The following FAM107B variants were observed in gnomAD, a reference collection of about 807,000 sequenced individuals.
The protein encoded by FAM107B is family with sequence similarity 107 member B.
Under a neutral mutation model 31.5 loss-of-function variants are expected in FAM107B, and 21 were observed. That is an observed-to-expected ratio of 0.67 (90% CI 0.47 to 0.96). The LOEUF is 0.96. FAM107B is among the 40% of genes least tolerant of loss of function. FAM107B has a pLI of 0.00. For missense variants in FAM107B, 452 were observed against 377.1 expected (o/e 1.20, Z -1.64); for synonymous variants, 157 against 141.5 (o/e 1.11, Z -0.78).
At chr10:14,530,274 GA>G in intron 3 of FAM107B, 57 bp downstream of exon 3, 1 of 1,481,354 alleles carries the variant, frequency 6.8e-7, no homozygotes. Context: ...ATTAAAATTA[GA>G]TATCATGATC....
chr10:14,583,743 A>T (rs1330485269), intron 2 of FAM107B, among the ~76,000 whole-genome samples: 1 of 152,132 alleles, frequency 6.6e-6, no homozygotes, highest in Non-Finnish European at 1.5e-5. Context: ...AGGAAACTAC[A>T]GGGAAAAAGG....
At chr10:14,645,198 A>G (rs1853722709) in intron 2 of FAM107B, among the ~76,000 whole-genome samples, 1 of 152,200 alleles carries the variant, frequency 6.6e-6, no homozygotes, top group African/African-American at 2.4e-5. Flanking sequence ...GGAGAAATGT[A>G]GTTCTTTTCA....
At chr10:14,685,992 G>A (rs1182063030) in intron 1 of FAM107B, among the ~76,000 whole-genome samples, 4 of 152,122 alleles carry the variant, frequency 2.6e-5, no homozygotes, top group African/African-American at 9.7e-5. Flanking sequence ...GATCTTGTGG[G>A]ACCTATTCAC....
intron 2 of FAM107B, among the ~76,000 whole-genome samples, chr10:14,596,600 T>A (rs1852196039): frequency 6.6e-6 from 1 of 152,186 alleles, no homozygotes; most frequent in African/African-American, 2.4e-5. Context: ...GGTAAGAATA[T>A]GCAAACCCCA....
chr10:14,530,543 T>A (rs761966931), intron 2 of FAM107B, 28 bp from the exon 3 acceptor site: 19 of 1,605,258 alleles, frequency 1.2e-5, no homozygotes, highest in Non-Finnish European at 1.4e-5. Flanking sequence ...GAAACACTCA[T>A]TTGCAGTTTT....
intron 2 of FAM107B, among the ~76,000 whole-genome samples, chr10:14,599,854 A>C (rs1282780624): frequency 7.4e-5 from 1 of 13,478 alleles, no homozygotes; most frequent in African/African-American, 1.1e-4. Context: ...CTTGATCTAC[A>C]AAAAAAAAAA....
At chr10:14,683,519 C>G (rs1854897229) in intron 1 of FAM107B, among the ~76,000 whole-genome samples, 1 of 152,190 alleles carries the variant, frequency 6.6e-6, no homozygotes, top group African/African-American at 2.4e-5. Context: ...ACAATTCAAC[C>G]TGCTGGTCTA....
At chr10:14,739,397 T>C (rs1311756112) in intron 1 of FAM107B, among the ~76,000 whole-genome samples, 1 of 152,164 alleles carries the variant, frequency 6.6e-6, no homozygotes, top group African/African-American at 2.4e-5. Flanking sequence ...GGGCAGGCGC[T>C]GGGGACAGAC....
chr10:14,737,591 G>T (rs1856330175), intron 1 of FAM107B, among the ~76,000 whole-genome samples: 1 of 151,970 alleles, frequency 6.6e-6, no homozygotes, highest in Admixed American at 6.6e-5. Context: ...TCCAGCCTGG[G>T]TGACAGAGAG....
chr10:14,759,099 C>A (rs1044183977), intron 1 of FAM107B, among the ~76,000 whole-genome samples: 5 of 151,396 alleles, frequency 3.3e-5, no homozygotes, highest in Non-Finnish European at 1.5e-5. Context: ...ATCGCTTGAA[C>A]CCAGGAGGTG....
chr10:14,579,717 C>T lies in FAM107B; in HGVS notation c.470-49202G>A, dbSNP rs138922562. Among the ~76,000 whole-genome samples, 17 of 152,324 alleles carry T rather than the reference C, an allele frequency of 1.1e-4. No homozygotes were observed. The East Asian group carries it at 3.3e-3, about 29-fold the overall frequency. ...AAAACTGTTCTGTCATTCACTAGTTCCTTCCAAAAAAGATTTGGAGTGTGT... is the reference window on the plus strand; with the variant it reads ...AAAACTGTTCTGTCATTCACTAGTTTCTTCCAAAAAAGATTTGGAGTGTGT... On this transcript the variant is annotated intron_variant, in intron 2 of 4. Coordinates refer to ENST00000181796, the MANE Select transcript of FAM107B (RefSeq NM_031453.4).
rs577143877 is a variant in FAM107B, at chr10:14,576,773, T to C, written c.470-46258A>G. 1.9e-4 allele frequency among the ~76,000 whole-genome samples: 29 copies of C among 152,224 alleles called. 1 individual carries two copies. In the South Asian group the frequency reaches 5.0e-3, roughly 26 times the overall value. Reference sequence around the variant, plus strand: ...CTACTTACTACAAAATGAAAGAAGATTGCAAGTCCCAAAAACCGTTTTATT... The same window carrying C: ...CTACTTACTACAAAATGAAAGAAGACTGCAAGTCCCAAAAACCGTTTTATT... On this transcript the variant is annotated intron_variant, in intron 2 of 4. Transcript: ENST00000181796.
rs1485885999 is a variant in FAM107B at position 14,723,723 on chromosome 10, C to G, written c.411+50530G>C. ...ATGGCTCCCAGAAGGCTGCCTGGAT[C>G]TGGTTAGTGAAGGTTCCAGGGGTGA... On this transcript the variant is annotated intron_variant, in intron 1 of 4. Coordinates refer to ENST00000181796, the MANE Select transcript of FAM107B (RefSeq NM_031453.4). 47 of 757,546 alleles carry G rather than the reference C, an allele frequency of 6.2e-5. No individual in the cohort carries two copies. The East Asian group carries it at 1.1e-3, about 18-fold the overall frequency. 46.9% of individuals were successfully genotyped at this position (757,546 alleles called of 1,614,324 possible).
intron 1 of FAM107B, among the ~76,000 whole-genome samples, chr10:14,769,855 C>T (rs967045644): frequency 6.6e-6 from 1 of 152,216 alleles, no homozygotes; most frequent in African/African-American, 2.4e-5. Context: ...CTTTTAGTTG[C>T]TTAGTGTGTG....
At chr10:14,754,976 G>A (rs1381768396) in intron 1 of FAM107B, among the ~76,000 whole-genome samples, 2 of 152,146 alleles carry the variant, frequency 1.3e-5, no homozygotes, top group Admixed American at 6.5e-5. Flanking sequence ...TCCTAACTGC[G>A]TTTCTGAGGT....
chr10:14,559,623 G>A (rs1850059227), intron 2 of FAM107B, among the ~76,000 whole-genome samples: 1 of 150,848 alleles, frequency 6.6e-6, no homozygotes, highest in South Asian at 2.1e-4. Context: ...AGGCTGGAGT[G>A]CAGTGGCGCA....
At chr10:14,757,318 GAA>G (rs71993133) in intron 1 of FAM107B, among the ~76,000 whole-genome samples, 53 of 132,112 alleles carry the variant, frequency 4.0e-4, no homozygotes, top group African/African-American at 5.4e-4. Context: ...TTTGCTGACT[GAA>G]AAAAAAAAAA....
At chr10:14,662,320 A>C (rs976489175) in intron 2 of FAM107B, among the ~76,000 whole-genome samples, 1 of 151,140 alleles carries the variant, frequency 6.6e-6, no homozygotes, top group Non-Finnish European at 1.5e-5. Flanking sequence ...AAAGTGACCA[A>C]CCACGCTGTG....
At chr10:14,612,724 G>C (rs1564600102) in intron 2 of FAM107B, among the ~76,000 whole-genome samples, 1 of 152,106 alleles carries the variant, frequency 6.6e-6, no homozygotes, top group Non-Finnish European at 1.5e-5. Context: ...ACAGACCAAA[G>C]AAAATAACAG....
Sources: allele counts gnomAD v4.1 joint callset (sites outside exome capture counted in the v4.1 genomes callset), GRCh38; gene constraint gnomAD v4.1.1; transcripts MANE v1.5; gene names NCBI Gene and HGNC (gene_info 2026-07-23, HGNC 2026-07-21).